Variants in FAM53B observed in about 807,000 individuals in gnomAD.
The protein encoded by FAM53B is protein FAM53B.
In FAM53B, 12 loss-of-function variants were observed where a neutral mutation model predicts 32.7. That is an observed-to-expected ratio of 0.37 (90% CI 0.24 to 0.59). FAM53B has a LOEUF of 0.59. FAM53B is among the 20% of genes least tolerant of loss of function. The pLI is 0.72. For missense variants in FAM53B, 477 were observed against 577.7 expected, an observed-to-expected ratio of 0.83 and a Z score of 1.79; for synonymous variants, 234 against 228.7, an observed-to-expected ratio of 1.02 and a Z score of -0.21.
chr10:124,670,038 C>T (rs1208390698), intron 4 of FAM53B, among the ~76,000 whole-genome samples: 1 of 152,114 alleles, frequency 6.6e-6, no homozygotes, highest in East Asian at 1.9e-4. Context: ...GAGTTAGTGA[C>T]CCACTTCCCA....
Position 124,723,552 on chromosome 10 carries a change from G to A in FAM53B, c.-174-16665C>T, listed in dbSNP as rs553273229. Among the ~76,000 whole-genome samples, 9 of 152,370 alleles carry A rather than the reference G, an allele frequency of 5.9e-5. No homozygotes were observed. The South Asian group carries it at 6.2e-4, about 11-fold the overall frequency. ...AACACTCATCAGAGTTTCTGTGGGC[G>A]GGAGGGTGGCCAGCAGCCCTCTCAC... On this transcript the variant is annotated intron_variant, in intron 1 of 4. Transcript: ENST00000337318.
At chr10:124,679,007 G>A (rs1227765853) in intron 4 of FAM53B, among the ~76,000 whole-genome samples, 3 of 152,182 alleles carry the variant, frequency 2.0e-5, no homozygotes, top group African/African-American at 7.2e-5. Context: ...TTTAACCCGA[G>A]GCTCTCACAC....
At chr10:124,633,737 C>A (rs527795525) in intron 4 of FAM53B, among the ~76,000 whole-genome samples, 18 of 152,180 alleles carry the variant, frequency 1.2e-4, no homozygotes, top group Non-Finnish European at 2.5e-4. Context: ...CAGGCAGCTA[C>A]ATTAAAGAAA....
chr10:124,708,814 C>T (rs1949979208), intron 1 of FAM53B, among the ~76,000 whole-genome samples: 1 of 152,258 alleles, frequency 6.6e-6, no homozygotes, highest in Non-Finnish European at 1.5e-5. Flanking sequence ...TCCCCCATTT[C>T]CAGCCTCTCT....
chr10:124,640,631 A>G (rs1055082683), intron 4 of FAM53B, among the ~76,000 whole-genome samples: 1 of 152,182 alleles, frequency 6.6e-6, no homozygotes, highest in Admixed American at 6.5e-5. Context: ...ATGATGGCAG[A>G]GCTAATGTTT....
intron 4 of FAM53B, among the ~76,000 whole-genome samples, chr10:124,636,774 G>C (rs1408833243): frequency 6.6e-6 from 1 of 151,928 alleles, no homozygotes; most frequent in Admixed American, 6.6e-5. Context: ...GAGCAGCCTC[G>C]GTGGCCGCAG....
chr10:124,733,836 C>G lies in FAM53B; in HGVS notation c.-175+10177G>C, dbSNP rs893056464. Among the ~76,000 whole-genome samples, 5 of 152,252 alleles carry G rather than the reference C, an allele frequency of 3.3e-5. No homozygotes were observed. Among genetic ancestry groups the G allele is most frequent in the Non-Finnish European group, 7.3e-5 (5 of 68,042 alleles). On this transcript the variant is annotated intron_variant, in intron 1 of 4. Transcript: ENST00000337318. The surrounding 1 kb of genome is among the most constrained non-coding windows in gnomAD (Gnocchi z 4.3). Reference sequence around the variant, plus strand: ...GGTGGGCTTTCTCCCAGCCCTTCGCCCTTCCCTTTACTGCCATCCTGACCT... The same window carrying G: ...GGTGGGCTTTCTCCCAGCCCTTCGCGCTTCCCTTTACTGCCATCCTGACCT...
chr10:124,686,230 G>T (rs1312270653), intron 3 of FAM53B, among the ~76,000 whole-genome samples: 1 of 152,226 alleles, frequency 6.6e-6, no homozygotes, highest in African/African-American at 2.4e-5. Context: ...TATGCAGAAA[G>T]GCTGGAAGTC....
chr10:124,690,091 T>C (rs1157411773), intron 3 of FAM53B, among the ~76,000 whole-genome samples: 2 of 152,224 alleles, frequency 1.3e-5, no homozygotes, highest in East Asian at 1.9e-4. Flanking sequence ...GTGATGCATC[T>C]CTTAACTGAT....
intron 3 of FAM53B, among the ~76,000 whole-genome samples, chr10:124,692,125 G>A (rs1163573466): frequency 6.6e-6 from 1 of 152,236 alleles, no homozygotes; most frequent in Non-Finnish European, 1.5e-5. Flanking sequence ...GAAGCCAAGA[G>A]TCAAAACAGC....
chr10:124,733,896 G>A lies in FAM53B; in HGVS notation c.-175+10117C>T, dbSNP rs374565586. ...CCGCTCCCCTCTGAAATCTACACTC[G>A]TCTCACTCAGGCTCCAGGTCTCCCA... On this transcript the variant is annotated intron_variant, in intron 1 of 4. Coordinates refer to ENST00000337318, the MANE Select transcript of FAM53B (RefSeq NM_014661.4). This position sits in a 1 kb window ranked among gnomAD's most constrained non-coding sequence, Gnocchi z 4.3. 6.6e-6 allele frequency among the ~76,000 whole-genome samples: 1 copy of A among 152,142 alleles called. No individual in the cohort carries two copies. Among genetic ancestry groups the A allele is most frequent in the Non-Finnish European group, 1.5e-5 (1 of 68,018 alleles).
chr10:124,707,384 C>T (rs538091631), intron 1 of FAM53B, among the ~76,000 whole-genome samples: 36 of 152,290 alleles, frequency 2.4e-4, no homozygotes, highest in African/African-American at 7.9e-4. Flanking sequence ...CATGCTGGCT[C>T]CCTTCTCCAA....
chr10:124,640,255 A>G lies in FAM53B; in HGVS notation c.907-16651T>C, dbSNP rs1161800132. On this transcript the variant is annotated intron_variant, in intron 4 of 4. Coordinates refer to ENST00000337318, the MANE Select transcript of FAM53B (RefSeq NM_014661.4). ...TGTCTGCGAGTGTGAGGAGCAGCAC[A>G]GCCTCAGGCCCTCCACACCTCTCCG... 2.6e-5 allele frequency among the ~76,000 whole-genome samples: 4 copies of G among 152,346 alleles called. No individual in the cohort carries two copies. In the East Asian group the frequency reaches 7.7e-4, roughly 29 times the overall value.
intron 4 of FAM53B, among the ~76,000 whole-genome samples, chr10:124,654,061 G>T (rs1405796345): frequency 6.6e-6 from 1 of 152,238 alleles, no homozygotes; most frequent in Non-Finnish European, 1.5e-5. Context: ...TAAGGGATCT[G>T]CTGGACACCA....
At chr10:124,720,460 C>T (rs1184871230) in intron 1 of FAM53B, among the ~76,000 whole-genome samples, 2 of 151,908 alleles carry the variant, frequency 1.3e-5, no homozygotes, top group Admixed American at 6.6e-5. Context: ...GTCCTAGCTT[C>T]GAAAATAATT....
chr10:124,635,629 G>A (rs894742505), intron 4 of FAM53B, among the ~76,000 whole-genome samples: 4 of 152,154 alleles, frequency 2.6e-5, no homozygotes, highest in African/African-American at 7.2e-5. Context: ...CTCCTACAGC[G>A]TTAACCTGGC....
At chr10:124,654,526 G>A (rs1949574994) in intron 4 of FAM53B, among the ~76,000 whole-genome samples, 1 of 152,232 alleles carries the variant, frequency 6.6e-6, no homozygotes, top group Non-Finnish European at 1.5e-5. Context: ...TCCACTTACA[G>A]CAGAACAAAG....
At chr10:124,711,530 C>T (rs1950003532) in intron 1 of FAM53B, among the ~76,000 whole-genome samples, 1 of 151,644 alleles carries the variant, frequency 6.6e-6, no homozygotes, top group African/African-American at 2.4e-5. Flanking sequence ...TGTAAATGAT[C>T]TCAAAAAAAA....
chr10:124,742,811 C>G (rs1950207322), intron 1 of FAM53B: 1 of 152,260 alleles, frequency 6.6e-6, no homozygotes, highest in Non-Finnish European at 1.5e-5. Flanking sequence ...GATCCCAGAC[C>G]CGGAATGCAA....
Sources: allele counts gnomAD v4.1 joint callset (sites outside exome capture counted in the v4.1 genomes callset), GRCh38; gene constraint gnomAD v4.1.1; non-coding constraint Gnocchi (gnomAD v3.1); transcripts MANE v1.5; gene names NCBI Gene and HGNC (gene_info 2026-07-23, HGNC 2026-07-21).